Variants in CSNK1A1 observed in about 807,000 individuals in gnomAD.
CSNK1A1 encodes the protein casein kinase I isoform alpha.
Under a neutral mutation model 46.1 loss-of-function variants are expected in CSNK1A1, and 7 were observed. That is an observed-to-expected ratio of 0.15 (90% confidence interval 0.09 to 0.29). The LOEUF is 0.29. CSNK1A1 is among the 10% of genes least tolerant of loss of function. The pLI is 1.00. For missense variants in CSNK1A1, 96 were observed against 417.1 expected (o/e 0.23, Z 6.71); for synonymous variants, 137 against 141.5 (o/e 0.97, Z 0.23).
chr5:149,521,640 TCTCA>T (rs1447125105), intron 3 of CSNK1A1, among the ~76,000 whole-genome samples: 1 of 149,356 alleles, frequency 6.7e-6, no homozygotes, highest in African/African-American at 2.5e-5. Flanking sequence ...TGAGACAGAG[TCTCA>T]CTCACTCTGC....
intron 7 of CSNK1A1, among the ~76,000 whole-genome samples, chr5:149,508,795 A>G (rs1761118434): frequency 6.6e-6 from 1 of 152,234 alleles, no homozygotes; most frequent in South Asian, 2.1e-4. Flanking sequence ...ATGAGGTTCT[A>G]TTGAAAATGT....
chr5:149,538,619 C>T (rs1259579083), intron 2 of CSNK1A1, among the ~76,000 whole-genome samples: 1 of 152,060 alleles, frequency 6.6e-6, no homozygotes, highest in East Asian at 1.9e-4. Flanking sequence ...AACACAAAAC[C>T]AAACTCAACC....
chr5:149,498,241 G>T (rs554443709), intron 9 of CSNK1A1: 193 of 984,250 alleles, frequency 2.0e-4, no homozygotes, highest in Non-Finnish European at 2.3e-4. Context: ...TTTTTTTTGG[G>T]AAATAATAGC....
chr5:149,539,625 A>G lies in CSNK1A1; in HGVS notation c.230+10450T>C, dbSNP rs150652748. Among the ~76,000 whole-genome samples, 854 of 152,254 alleles carry G rather than the reference A, an allele frequency of 5.6e-3. 12 individuals are homozygous for G. The highest frequency in any genetic ancestry group is 0.019 in the African/African-American group (795 of 41,542). ...ATTAATAACAATTATTAATTGTTACATATCAGAATCACCTGGGGAGCTTTT... is the reference window on the plus strand; with the variant it reads ...ATTAATAACAATTATTAATTGTTACGTATCAGAATCACCTGGGGAGCTTTT... On this transcript the variant is annotated intron_variant, in intron 2 of 9. Coordinates refer to ENST00000377843, the MANE Select transcript of CSNK1A1 (RefSeq NM_001892.6).
rs770530263 is a variant in CSNK1A1, at chr5:149,507,147, G to A, written c.751-14C>T. The A allele has an allele frequency of 1.9e-6, 3 of 1,560,126 alleles. No homozygotes were observed. The highest frequency in any genetic ancestry group is 1.8e-5 in the Admixed American group (1 of 54,316). ...TGCAGGAAACCCCTATAGGTTCAAGGGTTAAAACAAAGTTAAAAACAAACA... is the reference window on the plus strand; with the variant it reads ...TGCAGGAAACCCCTATAGGTTCAAGAGTTAAAACAAAGTTAAAAACAAACA... On this transcript the variant is annotated splice_polypyrimidine_tract_variant and intron_variant, in intron 7 of 9. Coordinates refer to ENST00000377843, the MANE Select transcript of CSNK1A1 (RefSeq NM_001892.6).
chr5:149,515,080 G>A (rs1229176114), intron 4 of CSNK1A1, among the ~76,000 whole-genome samples: 2 of 152,194 alleles, frequency 1.3e-5, no homozygotes, highest in Non-Finnish European at 2.9e-5. Flanking sequence ...AAGTTCTGCA[G>A]ATTCATAGTG....
intron 9 of CSNK1A1, chr5:149,499,179 G>T (rs944960898): frequency 1.0e-6 from 1 of 984,958 alleles, no homozygotes; most frequent in Non-Finnish European, 1.2e-6. Flanking sequence ...TCCCCAATAC[G>T]CATTGGTCTT....
chr5:149,509,543 G>A (rs1761148528), intron 7 of CSNK1A1, among the ~76,000 whole-genome samples: 2 of 152,248 alleles, frequency 1.3e-5, no homozygotes, highest in South Asian at 2.1e-4. Context: ...TGGGACCACA[G>A]ACGTGTATCA....
At position 149,545,552 on chromosome 5, in the gene CSNK1A1, T is replaced by C. The variant is rs959800355; in HGVS notation, c.230+4523A>G. On this transcript the variant is annotated intron_variant, in intron 2 of 9. Coordinates refer to ENST00000377843, the MANE Select transcript of CSNK1A1 (RefSeq NM_001892.6). Reference sequence around the variant, plus strand: ...CACTTCCCAAGCTTGGGGTGGACAATGTAGGCAAGTCAATCGAGTTCGCAG... The same window carrying C: ...CACTTCCCAAGCTTGGGGTGGACAACGTAGGCAAGTCAATCGAGTTCGCAG... 13 of 683,184 alleles carry C rather than the reference T, an allele frequency of 1.9e-5. No individual in the cohort carries two copies. In the African/African-American group the frequency reaches 1.9e-4, roughly 10 times the overall value. 42.3% of individuals were successfully genotyped at this position (683,184 alleles called of 1,614,324 possible). A position where few individuals can be genotyped will look rare whatever the true frequency, so the allele number is the denominator to read the frequency against.
At chr5:149,499,692 A>C (rs901542186) in intron 9 of CSNK1A1, among the ~76,000 whole-genome samples, 1 of 151,376 alleles carries the variant, frequency 6.6e-6, no homozygotes, top group Admixed American at 6.6e-5. Flanking sequence ...GGCTCAGGAG[A>C]TCCTACCACC....
chr5:149,505,278 T>TCC, intron 9 of CSNK1A1, 169 bp downstream of exon 9: 1 of 1,410,274 alleles, frequency 7.1e-7, no homozygotes, highest in Non-Finnish European at 9.2e-7. Flanking sequence ...GACATTTGGG[T>TCC]TTAAAGTTAG....
At chr5:149,542,690 ATATT>A (rs1415374326) in intron 2 of CSNK1A1, among the ~76,000 whole-genome samples, 2,560 of 18,422 alleles carry the variant, frequency 0.14, 436 homozygotes, top group Non-Finnish European at 0.17. Context: ...ATATATATAT[ATATT>A]TTTTTTTTTT....
chr5:149,542,690 A>T (rs866105761), intron 2 of CSNK1A1, among the ~76,000 whole-genome samples: 1,861 of 18,390 alleles, frequency 0.1, 231 homozygotes, highest in African/African-American at 0.14. Context: ...ATATATATAT[A>T]TATTTTTTTT....
At chr5:149,515,735 T>C (rs1761380174) in intron 4 of CSNK1A1, among the ~76,000 whole-genome samples, 1 of 152,082 alleles carries the variant, frequency 6.6e-6, no homozygotes, top group African/African-American at 2.4e-5. Flanking sequence ...AACTAATAAA[T>C]ATAAACATAT....
rs570278453 is a variant in CSNK1A1, at chr5:149,525,353, CT to C, written c.231-183del. On this transcript the variant is annotated intron_variant, in intron 2 of 9. Coordinates refer to ENST00000377843, the MANE Select transcript of CSNK1A1 (RefSeq NM_001892.6). This position sits in a 1 kb window ranked among gnomAD's most constrained non-coding sequence, Gnocchi z 4.2. ...CAAAGACAAAACAAGGGTAATGAGA[CT>C]TTTTTTTTTCCCTGTCATGCAACTC... Among the ~76,000 whole-genome samples, 24 of 149,554 alleles carry C rather than the reference CT, an allele frequency of 1.6e-4. No homozygotes were observed. The highest frequency in any genetic ancestry group is 2.7e-4 in the Non-Finnish European group (18 of 67,136).
chr5:149,538,078 A>G (rs1762117643), intron 2 of CSNK1A1, among the ~76,000 whole-genome samples: 1 of 132,746 alleles, frequency 7.5e-6, no homozygotes, highest in Non-Finnish European at 1.5e-5. Flanking sequence ...GCTGGAGTGC[A>G]ATGGCGCGAT....
intron 9 of CSNK1A1, chr5:149,498,833 TCAAAATA>T (rs1470512815): frequency 1.0e-6 from 1 of 985,250 alleles, no homozygotes; most frequent in Non-Finnish European, 1.2e-6. Context: ...ACATTGTCAG[TCAAAATA>T]CAAGGAAACT....
intron 2 of CSNK1A1, among the ~76,000 whole-genome samples, chr5:149,536,601 G>A (rs1762069566): frequency 6.6e-6 from 1 of 152,152 alleles, no homozygotes; most frequent in East Asian, 1.9e-4. Context: ...CAAACATACA[G>A]CAAAGGGGAA....
Position 149,548,799 on chromosome 5 carries a change from A to T in CSNK1A1, c.230+1276T>A, listed in dbSNP as rs527912853. Among the ~76,000 whole-genome samples the T allele has an allele frequency of 4.6e-5, 7 of 152,370 alleles. No homozygotes were observed. The South Asian group carries it at 1.4e-3, about 32-fold the overall frequency. On this transcript the variant is annotated intron_variant, in intron 2 of 9. Coordinates refer to ENST00000377843, the MANE Select transcript of CSNK1A1 (RefSeq NM_001892.6). ...GGGAGGCAGAGGTTGCAGTGAGCCA[A>T]GATCGTGCCATTCATTGCACTCCAG...
Sources: gnomAD v4.1 joint callset for allele counts (sites outside exome capture counted in the v4.1 genomes callset) on GRCh38, gnomAD v4.1.1 for gene constraint, Gnocchi (gnomAD v3.1) non-coding constraint, MANE v1.5 for transcripts, NCBI Gene and HGNC (gene_info 2026-07-23, HGNC 2026-07-21) for gene names.